Variants in ABCC11 observed in about 807,000 individuals in gnomAD.
ABCC11 encodes ATP-binding cassette sub-family C member 11.
A neutral mutation model predicts 149.3 loss-of-function variants in ABCC11; 135 were observed. The ratio of observed to expected loss-of-function variants is 0.90; its 90% CI spans 0.79 to 1.04. The LOEUF (loss-of-function observed/expected upper bound fraction) is 1.04. Among genes scored for constraint, ABCC11 ranks in the 50% least tolerant of loss-of-function variants. The pLI is 0.00. For synonymous variants in ABCC11, 665 were observed against 671.4 expected (o/e 0.99, Z 0.15); for missense variants, 1,680 against 1,722.1 (o/e 0.98, Z 0.43).
At position 48,187,525 on chromosome 16, in the gene ABCC11, G is replaced by A. The variant is rs534660406; in HGVS notation, c.2707-98C>T. 8.9e-6 allele frequency: 9 copies of A among 1,012,138 alleles called. No individual in the cohort carries two copies. In the South Asian group the frequency reaches 1.2e-4, roughly 13 times the overall value. The allele number at this position is 1,012,138 out of a possible 1,614,324, so 62.7% of individuals were successfully genotyped here. ...TTACCCTTGACTCTAAAGAGCCACGGATCCCAGGGGTCTCCAGGGCAGGCA... is the reference window on the plus strand; with the variant it reads ...TTACCCTTGACTCTAAAGAGCCACGAATCCCAGGGGTCTCCAGGGCAGGCA... On this transcript the variant is annotated intron_variant, in intron 20 of 29. Transcript: ENST00000356608.
chr16:48,172,467 T>G (rs7184831), intron 26 of ABCC11, among the ~76,000 whole-genome samples: 29,793 of 150,630 alleles, frequency 0.2, 3,340 homozygotes, highest in African/African-American at 0.29. Flanking sequence ...TCACTCTGTC[T>G]ACGAGGCTGG....
chr16:48,220,461 T>A (rs553923411), intron 6 of ABCC11, among the ~76,000 whole-genome samples: 16 of 152,342 alleles, frequency 1.1e-4, no homozygotes, highest in African/African-American at 3.4e-4. Flanking sequence ...ATGACTTTCC[T>A]GAGATAAACA....
intron 20 of ABCC11, 26 bp downstream of exon 20, chr16:48,192,494 G>GC: frequency 6.2e-7 from 1 of 1,612,442 alleles, no homozygotes; most frequent in Non-Finnish European, 8.5e-7. Flanking sequence ...TCAGCCTTCG[G>GC]CCCCACCCAG....
At chr16:48,218,824 C>T (rs539573070) in intron 6 of ABCC11, among the ~76,000 whole-genome samples, 3 of 152,300 alleles carry the variant, frequency 2.0e-5, no homozygotes, top group South Asian at 2.1e-4. Flanking sequence ...TGTGAGTCCA[C>T]TAAGCCTCTT....
rs925409826 is a variant in ABCC11 at position 48,192,502 on chromosome 16, C to G, written c.2706+18G>C. 3 of 1,613,682 alleles carry G rather than the reference C, an allele frequency of 1.9e-6. No homozygotes were observed. Among genetic ancestry groups the G allele is most frequent in the African/African-American group, 2.7e-5 (2 of 74,934 alleles). ...TCAGAGCTCAGCCTTCGGCCCCACCCAGCACCCAGGCCCATACCTTGTTGA... is the reference window on the plus strand; with the variant it reads ...TCAGAGCTCAGCCTTCGGCCCCACCGAGCACCCAGGCCCATACCTTGTTGA... On this transcript the variant is annotated intron_variant, in intron 20 of 29. Coordinates refer to ENST00000356608, the MANE Select transcript of ABCC11 (RefSeq NM_001370497.1).
rs41282045 is a variant in ABCC11 at position 48,200,470 on chromosome 16, G to A, written c.1888C>T (p.Arg630Trp). The A allele has an allele frequency of 5.3e-3, 8,606 of 1,613,704 alleles. 29 individuals carry two copies. The highest frequency in any genetic ancestry group is 6.2e-3 in the Non-Finnish European group (7,344 of 1,179,868). Residue 630 changes from arginine to tryptophan, a missense_variant, in exon 15 of 30, where the codon CGG becomes TGG. Coordinates refer to ENST00000356608, the MANE Select transcript of ABCC11 (RefSeq NM_001370497.1). Reference sequence around the variant, plus strand: ...TGCCCCCCAGAGAGGTTGAGGCCCCGCTCTCCAATCTGCAGACAGGCAGTA... The same window carrying A: ...TGCCCCCCAGAGAGGTTGAGGCCCCACTCTCCAATCTGCAGACAGGCAGTA... The part of the protein sequence containing the change: ...PFGDMTEIGE[R>W]GLNLSGGQKQ...
chr16:48,178,507 G>C, intron 24 of ABCC11, 90 bp downstream of exon 24: 1 of 1,239,452 alleles, frequency 8.1e-7, no homozygotes, highest in Admixed American at 1.9e-5. Flanking sequence ...ATGGTCTCAG[G>C]GCTCTGAGGC....
chr16:48,182,804 C>T (rs944914874), intron 23 of ABCC11, among the ~76,000 whole-genome samples: 1 of 146,714 alleles, frequency 6.8e-6, no homozygotes, highest in African/African-American at 2.5e-5. Context: ...AAAAAAGGAA[C>T]ATGTGGTTCG....
In ABCC11 at chr16:48,216,104, A is replaced by G; in HGVS notation, c.951+10T>C. On this transcript the variant is annotated intron_variant, in intron 7 of 29. Transcript: ENST00000356608. ...CCCAGCATCAAATGGGTGACAGAGA[A>G]AGACATTACCGCCAGTGGGAAAACC... The G allele has an allele frequency of 6.2e-7, 1 of 1,613,052 alleles. No individual in the cohort carries two copies. Among genetic ancestry groups the G allele is most frequent in the Non-Finnish European group, 8.5e-7 (1 of 1,179,444 alleles).
chr16:48,218,818 A>G (rs1567276042), intron 6 of ABCC11, among the ~76,000 whole-genome samples: 1 of 152,200 alleles, frequency 6.6e-6, no homozygotes, highest in Non-Finnish European at 1.5e-5. Flanking sequence ...TGGAACTGTG[A>G]GTCCACTAAG....
chr16:48,213,367 TG>T, intron 10 of ABCC11, 75 bp downstream of exon 10: 1 of 1,341,126 alleles, frequency 7.5e-7, no homozygotes, highest in Non-Finnish European at 1.1e-6. Flanking sequence ...GGACGTGTTC[TG>T]GAGGAACATC....
At chr16:48,211,249 C>A in intron 10 of ABCC11, 50 bp from the exon 11 acceptor site, 1 of 1,586,772 alleles carries the variant, frequency 6.3e-7, no homozygotes, top group Non-Finnish European at 8.6e-7. Flanking sequence ...TTCTTTAGTT[C>A]AGCAGGAATG....
downstream of ABCC11, among the ~76,000 whole-genome samples, chr16:48,165,367 T>A (rs1965299136): frequency 6.6e-6 from 1 of 151,934 alleles, no homozygotes; most frequent in Non-Finnish European, 1.5e-5. Context: ...CACTAGAGAG[T>A]CCCAAATGGG....
At chr16:48,208,403 C>T (rs1968625054) in intron 12 of ABCC11, 22 bp downstream of exon 12, 1 of 1,613,790 alleles carries the variant, frequency 6.2e-7, no homozygotes, top group African/African-American at 1.3e-5. Flanking sequence ...GACAGGCAAG[C>T]ATGTGGCCAC....
At chr16:48,240,274 T>C (rs1433488372) in intron 1 of ABCC11, among the ~76,000 whole-genome samples, 1 of 152,134 alleles carries the variant, frequency 6.6e-6, no homozygotes, top group East Asian at 1.9e-4. Flanking sequence ...GGAATCAACC[T>C]AAATGCCCAT....
At chr16:48,208,348 C>T (rs1968620476) in intron 12 of ABCC11, 77 bp downstream of exon 12, 2 of 1,563,788 alleles carry the variant, frequency 1.3e-6, no homozygotes, top group East Asian at 2.2e-5. Context: ...CAGTGGGGGG[C>T]CCCGCCTGGG....
intron 4 of ABCC11, 103 bp downstream of exon 4, chr16:48,227,703 G>C: frequency 6.7e-7 from 1 of 1,495,518 alleles, no homozygotes; most frequent in Non-Finnish European, 9.3e-7. Flanking sequence ...GAGCCAAGTC[G>C]TCTGGCATGG....
chr16:48,243,644 C>A (rs1401743127), intron 1 of ABCC11, among the ~76,000 whole-genome samples: 1 of 152,160 alleles, frequency 6.6e-6, no homozygotes, highest in Non-Finnish European at 1.5e-5. Flanking sequence ...AAGATGATAA[C>A]AGACGAAACT....
Position 48,237,642 on chromosome 16 carries a change from T to C in ABCC11, c.-18-5703A>G, listed in dbSNP as rs146842905. ...AACTTGATCTCTCCCATGGCTTCCG[T>C]CAGGTTTAGAGTAAGACCCAAACTC... On this transcript the variant is annotated intron_variant, in intron 1 of 29. Coordinates refer to ENST00000356608, the MANE Select transcript of ABCC11 (RefSeq NM_001370497.1). 4.6e-5 allele frequency among the ~76,000 whole-genome samples: 7 copies of C among 152,342 alleles called. 1 individual carries two copies. Among genetic ancestry groups the C allele is most frequent in the African/African-American group, 1.7e-4 (7 of 41,584 alleles).
Sources: gnomAD v4.1 joint callset for allele counts (sites outside exome capture counted in the v4.1 genomes callset) on GRCh38, gnomAD v4.1.1 for gene constraint, MANE v1.5 for transcripts, NCBI Gene and HGNC (gene_info 2026-07-23, HGNC 2026-07-21) for gene names.